Variants in GABPB1 observed in about 807,000 individuals in gnomAD.
GABPB1 encodes the protein GA-binding protein subunit beta-1.
GABPB1 carries 15 observed loss-of-function variants against 45.9 expected under a neutral mutation model. That is an observed-to-expected ratio of 0.33 (90% CI 0.22 to 0.50). The LOEUF (loss-of-function observed/expected upper bound fraction) is 0.50. Among genes scored for constraint, GABPB1 ranks in the 20% least tolerant of loss-of-function variants. The probability of loss-of-function intolerance (pLI) is 0.98; values close to 1 mark genes in which losing one functional copy is unlikely to be tolerated. For synonymous variants in GABPB1, 143 were observed against 154.4 expected (o/e 0.93, Z 0.55); for missense variants, 252 against 457.5 (o/e 0.55, Z 4.10).
chr15:50,306,422 G>C (rs1442596539), intron 2 of GABPB1, among the ~76,000 whole-genome samples: 1 of 152,152 alleles, frequency 6.6e-6, no homozygotes, highest in African/African-American at 2.4e-5. Flanking sequence ...CTGAGGTCAG[G>C]AGTTCGAGAC....
chr15:50,286,327 G>C (rs1201296423), intron 7 of GABPB1, 144 bp from the exon 8 acceptor site: 1 of 559,216 alleles, frequency 1.8e-6, no homozygotes, highest in East Asian at 3.3e-5. Context: ...TGCTTTTTAT[G>C]AGACTATCCA....
At chr15:50,333,716 G>A (rs947028224) in intron 1 of GABPB1, among the ~76,000 whole-genome samples, 9 of 152,124 alleles carry the variant, frequency 5.9e-5, no homozygotes, top group African/African-American at 2.2e-4. Context: ...ACTGTCTGCT[G>A]ATTTCCACTG....
rs564656799 is a variant in GABPB1 at position 50,331,193 on chromosome 15, T to C, written c.1-21395A>G. Among the ~76,000 whole-genome samples, 16 of 152,334 alleles carry C rather than the reference T, an allele frequency of 1.1e-4. No individual in the cohort carries two copies. The South Asian group carries it at 3.3e-3, about 32-fold the overall frequency. On this transcript the variant is annotated intron_variant, in intron 1 of 8. Coordinates refer to ENST00000380877, the MANE Select transcript of GABPB1 (RefSeq NM_016654.5). The stretch of plus-strand genomic sequence containing the variant: ...TCTGCCTACTACTGAATATTTGCTT[T>C]CCTTGCTTCCCATAAGGCAAGGGTA...
chr15:50,286,139 T>G lies in GABPB1; in HGVS notation c.928A>C (p.Ser310Arg). ...TGTCTCTTAGCTGGTGGTTCTTCAC[T>G]TATAACAGTTTCTTCAGCAATGTCT... Reference protein sequence around the residue: ...ATDIAEETVISEEPPAKRQCI... With the variant: ...ATDIAEETVIREEPPAKRQCI... Residue 310 changes from serine to arginine, a missense_variant, in exon 8 of 9, where the codon AGT becomes CGT. Ser to Arg is a moderately radical substitution (Grantham distance 110). Coordinates refer to ENST00000380877, the MANE Select transcript of GABPB1 (RefSeq NM_016654.5). 1 of 1,607,698 alleles carries G rather than the reference T, an allele frequency of 6.2e-7. No homozygotes were observed. Among genetic ancestry groups the G allele is most frequent in the Non-Finnish European group, 8.5e-7 (1 of 1,176,834 alleles).
At chr15:50,318,567 A>C (rs1045446985) in intron 1 of GABPB1, among the ~76,000 whole-genome samples, 2 of 152,222 alleles carry the variant, frequency 1.3e-5, no homozygotes, top group African/African-American at 4.8e-5. Context: ...TTCAGGAAAT[A>C]AAGATCCAAC....
At chr15:50,292,148 A>G (rs1452334467) in intron 6 of GABPB1, among the ~76,000 whole-genome samples, 1 of 151,406 alleles carries the variant, frequency 6.6e-6, no homozygotes, top group Non-Finnish European at 1.5e-5. Flanking sequence ...CCCCGTCTCT[A>G]CTGAAAATAC....
At chr15:50,341,225 A>G (rs866049263) in intron 1 of GABPB1, among the ~76,000 whole-genome samples, 2 of 152,062 alleles carry the variant, frequency 1.3e-5, no homozygotes, top group Admixed American at 1.3e-4. Flanking sequence ...CACTGACCAT[A>G]TGTATATTTA....
chr15:50,350,293 C>T (rs1244880105), intron 1 of GABPB1: 1 of 150,168 alleles, frequency 6.7e-6, no homozygotes, highest in Non-Finnish European at 1.5e-5. Context: ...AATAGTACTA[C>T]CCACTTCATA....
chr15:50,292,739 T>C (rs547080457), intron 6 of GABPB1, among the ~76,000 whole-genome samples: 13 of 152,336 alleles, frequency 8.5e-5, no homozygotes, highest in South Asian at 2.1e-4. Flanking sequence ...GCTGTGGATA[T>C]GTAGAAGGCC....
rs536206089 is a variant in GABPB1, at chr15:50,306,966, T to C, written c.108+2725A>G. Among the ~76,000 whole-genome samples the C allele has an allele frequency of 2.7e-4, 41 of 152,258 alleles. No individual in the cohort carries two copies. In the East Asian group the frequency reaches 7.9e-3, roughly 29 times the overall value. On this transcript the variant is annotated intron_variant, in intron 2 of 8. Transcript: ENST00000380877. The stretch of plus-strand genomic sequence containing the variant: ...ACAATTAATTTAACCAATCTACTGA[T>C]GAACATTTAGATTGTTTCCAGTTTT...
At position 50,301,420 on chromosome 15, in the gene GABPB1, C is replaced by T. The variant is rs1332456261; in HGVS notation, c.472-52G>A. On this transcript the variant is annotated intron_variant, in intron 4 of 8. Transcript: ENST00000380877. The stretch of plus-strand genomic sequence containing the variant: ...TCAGAATTATAACCAGAACATATAG[C>T]ACAAATTCTCCATATAATACAAACA... 6 of 1,469,596 alleles carry T rather than the reference C, an allele frequency of 4.1e-6. No individual in the cohort carries two copies. The Admixed American group carries it at 9.3e-5, about 23-fold the overall frequency. 91.0% of individuals were successfully genotyped at this position (1,469,596 alleles called of 1,614,324 possible).
chr15:50,307,687 G>A (rs1208668616), intron 2 of GABPB1, among the ~76,000 whole-genome samples: 1 of 141,250 alleles, frequency 7.1e-6, no homozygotes, highest in Non-Finnish European at 1.5e-5. Context: ...AGGCAACAGT[G>A]TGAGACTCCA....
intron 1 of GABPB1, chr15:50,351,225 G>C (rs2048808724): frequency 6.6e-6 from 1 of 152,180 alleles, no homozygotes; most frequent in African/African-American, 2.4e-5. Flanking sequence ...AATATAACTA[G>C]TACACAGTAA....
intron 1 of GABPB1, chr15:50,353,027 A>T (rs2048908524): frequency 6.6e-6 from 1 of 152,176 alleles, no homozygotes; most frequent in Admixed American, 6.5e-5. Context: ...TAAAATCTGT[A>T]CCTCCTATAA....
chr15:50,295,428 A>G (rs1353815716), intron 6 of GABPB1, among the ~76,000 whole-genome samples: 1 of 152,082 alleles, frequency 6.6e-6, no homozygotes, highest in Non-Finnish European at 1.5e-5. Context: ...TTCTTCCCCA[A>G]ACTTTTCCCT....
chr15:50,343,254 A>G (rs1595844095), intron 1 of GABPB1, among the ~76,000 whole-genome samples: 1 of 152,032 alleles, frequency 6.6e-6, no homozygotes, highest in Non-Finnish European at 1.5e-5. Flanking sequence ...CAGCTCATCT[A>G]TCAATCTCCC....
rs1451372214 is a variant in GABPB1, at chr15:50,303,961, C to T, written c.276+5G>A. On this transcript the variant is annotated splice_donor_5th_base_variant and intron_variant, in intron 3 of 8. Coordinates refer to ENST00000380877, the MANE Select transcript of GABPB1 (RefSeq NM_016654.5). Reference sequence around the variant, plus strand: ...AAAAGCAAAGTGCAAAAAGAGAACACATACCTTAAGTAAAACCTCTACTAT... The same window carrying T: ...AAAAGCAAAGTGCAAAAAGAGAACATATACCTTAAGTAAAACCTCTACTAT... 3.1e-6 allele frequency: 5 copies of T among 1,587,654 alleles called. No homozygotes were observed. The African/African-American group carries it at 6.8e-5, about 22-fold the overall frequency.
At chr15:50,321,801 T>C (rs563790002) in intron 1 of GABPB1, among the ~76,000 whole-genome samples, 9 of 152,184 alleles carry the variant, frequency 5.9e-5, no homozygotes, top group African/African-American at 2.2e-4. Flanking sequence ...AAAATCGTCA[T>C]AATGTTTGCC....
intron 2 of GABPB1, 39 bp from the exon 3 acceptor site, chr15:50,304,172 A>T (rs375831886): frequency 6.2e-4 from 948 of 1,518,252 alleles, no homozygotes; most frequent in Non-Finnish European, 7.7e-4. Context: ...CATTTACATT[A>T]TTGTTACTAC....
Sources: gnomAD v4.1 joint callset for allele counts (sites outside exome capture counted in the v4.1 genomes callset) on GRCh38, gnomAD v4.1.1 for gene constraint, MANE v1.5 for transcripts, NCBI Gene and HGNC (gene_info 2026-07-23, HGNC 2026-07-21) for gene names.